The following ABCC1 variants were observed in gnomAD, a reference collection of about 807,000 sequenced individuals.
ABCC1 encodes multidrug resistance-associated protein 1.
A neutral mutation model predicts 172.9 loss-of-function variants in ABCC1; 83 were observed. The observed-to-expected ratio is 0.48, with a 90% confidence interval of 0.40 to 0.58. The LOEUF is 0.58. Among genes scored for constraint, ABCC1 ranks in the 20% least tolerant of loss-of-function variants. ABCC1 has a pLI of 0.00. For missense variants in ABCC1, 1,817 were observed against 2,002.7 expected (o/e 0.91, Z 1.77); for synonymous variants, 937 against 825.2 (o/e 1.14, Z -2.32).
chr16:15,994,747 T>C (rs746061415), intron 1 of ABCC1, among the ~76,000 whole-genome samples: 26 of 151,840 alleles, frequency 1.7e-4, no homozygotes, highest in Non-Finnish European at 3.7e-4. Flanking sequence ...ATTAATTAGC[T>C]TTTTTTCTTT....
chr16:16,106,990 C>T (rs78219981), intron 21 of ABCC1, 117 bp downstream of exon 21: 11 of 1,377,138 alleles, frequency 8.0e-6, no homozygotes, highest in Non-Finnish European at 1.1e-5. Context: ...CACAACACAC[C>T]TGTGAAGATA....
chr16:16,031,306 CCT>C (rs2048551042), intron 5 of ABCC1, among the ~76,000 whole-genome samples: 1 of 152,142 alleles, frequency 6.6e-6, no homozygotes, highest in African/African-American at 2.4e-5. Context: ...TGCCTGGTGA[CCT>C]CTCTTCCCTC....
intron 5 of ABCC1, among the ~76,000 whole-genome samples, chr16:16,019,780 G>A (rs2048131550): frequency 6.6e-6 from 1 of 152,154 alleles, no homozygotes; most frequent in African/African-American, 2.4e-5. Flanking sequence ...GTGACATGAA[G>A]CTCTCAGCTC....
At chr16:15,966,613 C>T (rs2151518433) in intron 1 of ABCC1, among the ~76,000 whole-genome samples, 1 of 151,388 alleles carries the variant, frequency 6.6e-6, no homozygotes, top group East Asian at 1.9e-4. Context: ...ATCAGGATCT[C>T]TCTGAGTGCT....
At chr16:15,982,826 G>GAAAAAAAAAAAAAAAAAAAAAA (rs1272269895) in intron 1 of ABCC1, among the ~76,000 whole-genome samples, 1 of 43,630 alleles carries the variant, frequency 2.3e-5, no homozygotes. Context: ...AAAAAAAAAG[G>GAAAAAAAAAAAAAAAAAAAAAA]AAATCCATTC....
At chr16:16,018,378 A>G (rs919805896) in intron 5 of ABCC1, among the ~76,000 whole-genome samples, 2 of 152,092 alleles carry the variant, frequency 1.3e-5, no homozygotes, top group Admixed American at 6.6e-5. Context: ...GTGAAATGCC[A>G]TCTCTGCTAA....
intron 1 of ABCC1, among the ~76,000 whole-genome samples, chr16:16,001,968 T>A (rs1318584687): frequency 6.6e-6 from 1 of 152,198 alleles, no homozygotes. Context: ...TCCTCCCACC[T>A]GGGCCTCCCA....
intron 29 of ABCC1, 129 bp downstream of exon 29, chr16:16,136,773 C>T (rs1346875942): frequency 9.5e-7 from 1 of 1,050,822 alleles, no homozygotes; most frequent in African/African-American, 1.6e-5. Context: ...TGTCCCTTCA[C>T]CTCTTGGAGC....
intron 1 of ABCC1, among the ~76,000 whole-genome samples, chr16:15,953,181 C>T (rs1231685660): frequency 6.6e-6 from 1 of 151,626 alleles, no homozygotes; most frequent in Admixed American, 6.6e-5. Context: ...ACTAAAAATA[C>T]AAAAATTAGC....
chr16:15,997,938 C>T (rs1169463998), intron 1 of ABCC1, among the ~76,000 whole-genome samples: 4 of 150,874 alleles, frequency 2.7e-5, no homozygotes, highest in South Asian at 2.1e-4. Context: ...CTCAGCTGCC[C>T]GACTAGCTGG....
chr16:16,050,188 G>C (rs774660403), intron 10 of ABCC1, among the ~76,000 whole-genome samples: 2 of 152,194 alleles, frequency 1.3e-5, no homozygotes, highest in African/African-American at 4.8e-5. Flanking sequence ...AGAAGGGCTG[G>C]ACGAAATGGC....
intron 17 of ABCC1, among the ~76,000 whole-genome samples, chr16:16,083,836 A>G (rs928871794): frequency 1.3e-5 from 2 of 152,192 alleles, no homozygotes; most frequent in Non-Finnish European, 2.9e-5. Flanking sequence ...CCCAGAAAGC[A>G]TGCAATGTCC....
chr16:16,120,560 A>G (rs957874684), intron 23 of ABCC1, among the ~76,000 whole-genome samples: 2 of 152,154 alleles, frequency 1.3e-5, no homozygotes, highest in Non-Finnish European at 2.9e-5. Context: ...GAAACGTATC[A>G]TCGTAGCCCG....
intron 3 of ABCC1, among the ~76,000 whole-genome samples, chr16:16,010,912 C>T (rs2047751583): frequency 6.6e-6 from 1 of 152,096 alleles, no homozygotes; most frequent in South Asian, 2.1e-4. Context: ...AGAGAGTTCT[C>T]GGAGAGTGTA....
chr16:16,009,236 G>A (rs2047677096), intron 2 of ABCC1, among the ~76,000 whole-genome samples: 1 of 152,114 alleles, frequency 6.6e-6, no homozygotes, highest in African/African-American at 2.4e-5. Flanking sequence ...TGGTATTACA[G>A]GCATGAATCT....
chr16:15,999,831 TCTGTC>T (rs2047215927), intron 1 of ABCC1, among the ~76,000 whole-genome samples: 1 of 68,610 alleles, frequency 1.5e-5, no homozygotes, highest in African/African-American at 4.4e-5. Flanking sequence ...TCTCTCTCTC[TCTGTC>T]TCTTTCTTTC....
In ABCC1 at chr16:16,138,368, G is replaced by A. The variant is rs1450045049; in HGVS notation, c.4297G>A (p.Gly1433Arg). ...GGTTTTTTTCTTCCGGTCAAGTGTC[G>A]GGCAGCGCCAGCTTGTGTGCCTAGC... ...CAEGGENLSV[G>R]QRQLVCLARA... Residue 1433 changes from glycine to arginine, a missense_variant, in exon 30 of 31, where the codon GGG becomes AGG. Around this residue, in one of 3 missense-constraint regions of ABCC1, gnomAD observed 1,412 missense variants for 1,600.3 expected, o/e 0.88. Transcript: ENST00000399410. 1.3e-6 allele frequency: 2 copies of A among 1,580,328 alleles called. No homozygotes were observed. The highest frequency in any genetic ancestry group is 1.7e-6 in the Non-Finnish European group (2 of 1,153,892).
At position 16,111,450 on chromosome 16, in the gene ABCC1, A is replaced by T. The variant is rs1488757097; in HGVS notation, c.2947A>T (p.Met983Leu). ...FISFLSIFLF[M>L]CNHVSALASN... is the part of the protein sequence containing the mutation. Reference sequence around the variant, plus strand: ...CTCCTTCCTCAGCATCTTCCTTTTCATGTGTAACCATGTGTCCGCGCTGGC... The same window carrying T: ...CTCCTTCCTCAGCATCTTCCTTTTCTTGTGTAACCATGTGTCCGCGCTGGC... The change falls in exon 22 of 31, where the codon ATG becomes TTG. Residue 983 changes from methionine to leucine, a missense_variant. By Grantham distance (15) the Met-to-Leu change is conservative (BLOSUM62 2). This residue lies in a region of ABCC1 where 1,412 missense variants were observed against 1,600.3 expected (regional missense o/e 0.88). Coordinates refer to ENST00000399410, the MANE Select transcript of ABCC1 (RefSeq NM_004996.4). 1 of 1,613,972 alleles carries T rather than the reference A, an allele frequency of 6.2e-7. No individual in the cohort carries two copies. Among genetic ancestry groups the T allele is most frequent in the Non-Finnish European group, 8.5e-7 (1 of 1,179,988 alleles).
In ABCC1 at chr16:16,129,858, T is replaced by C. The variant is rs531069676; in HGVS notation, c.3820-1931T>C. On this transcript the variant is annotated intron_variant, in intron 26 of 30. Coordinates refer to ENST00000399410, the MANE Select transcript of ABCC1 (RefSeq NM_004996.4). ...GGCAACGCTGTGATTTTATAGCACGTCCACAAAAGGGCTGCATGTCTTGCC... is the reference window on the plus strand; with the variant it reads ...GGCAACGCTGTGATTTTATAGCACGCCCACAAAAGGGCTGCATGTCTTGCC... Among the ~76,000 whole-genome samples, 4 of 152,296 alleles carry C rather than the reference T, an allele frequency of 2.6e-5. No individual in the cohort carries two copies. In the South Asian group the frequency reaches 8.3e-4, roughly 32 times the overall value.
Sources: gnomAD v4.1 joint callset for allele counts (sites outside exome capture counted in the v4.1 genomes callset) on GRCh38, gnomAD v4.1.1 for gene constraint, gnomAD v4.1.1 regional missense constraint, MANE v1.5 for transcripts, NCBI Gene and HGNC (gene_info 2026-07-23, HGNC 2026-07-21) for gene names.